The following NUP214 variants were observed in gnomAD, a reference collection of about 807,000 sequenced individuals.
The protein encoded by NUP214 is nucleoporin 214.
NUP214 carries 79 observed loss-of-function variants against 196.2 expected under a neutral mutation model. The observed-to-expected ratio is 0.40, with a 90% CI of 0.34 to 0.49. The LOEUF is 0.49. NUP214 is among the 20% of genes least tolerant of loss of function. The pLI is 0.58. For missense variants in NUP214, 2,468 were observed against 2,539.0 expected (o/e 0.97, Z 0.60); for synonymous variants, 1,020 against 990.5 (o/e 1.03, Z -0.56).
intron 31 of NUP214, among the ~76,000 whole-genome samples, chr9:131,221,494 T>A (rs1393377355): frequency 6.6e-6 from 1 of 152,022 alleles, no homozygotes; most frequent in East Asian, 1.9e-4. Context: ...CCTATTAGAG[T>A]TGGTTGGTAG....
intron 27 of NUP214, among the ~76,000 whole-genome samples, chr9:131,193,624 C>CTTTTCT (rs1833676541): frequency 5.7e-5 from 1 of 17,666 alleles, no homozygotes; most frequent in East Asian, 1.1e-3. Context: ...ATTCTTCTTC[C>CTTTTCT]TTTTCTTTTT....
At chr9:131,233,386 G>A in intron 35 of NUP214, 68 bp from the exon 36 acceptor site, 3 of 1,489,176 alleles carry the variant, frequency 2.0e-6, no homozygotes, top group Non-Finnish European at 2.7e-6. Flanking sequence ...CACAGGCAGA[G>A]CAGCAGAGCC....
At chr9:131,203,674 C>T (rs1363906649) in intron 30 of NUP214, among the ~76,000 whole-genome samples, 2 of 152,102 alleles carry the variant, frequency 1.3e-5, no homozygotes, top group Non-Finnish European at 2.9e-5. Flanking sequence ...CTAAGTCATT[C>T]AAGGGAACCA....
intron 24 of NUP214, among the ~76,000 whole-genome samples, chr9:131,179,211 A>G (rs115455391): frequency 8.2e-4 from 125 of 152,116 alleles, no homozygotes; most frequent in African/African-American, 2.8e-3. Context: ...ATGTCACCCC[A>G]GGCTGGTCTC....
At chr9:131,186,873 T>A (rs1833461614) in intron 24 of NUP214, among the ~76,000 whole-genome samples, 1 of 152,198 alleles carries the variant, frequency 6.6e-6, no homozygotes, top group African/African-American at 2.4e-5. Context: ...ACCTTTGCGG[T>A]AGCAGCGAAT....
intron 27 of NUP214, chr9:131,192,511 G>GT (rs2131033103): frequency 5.4e-6 from 2 of 372,110 alleles, no homozygotes; most frequent in South Asian, 1.4e-4. Flanking sequence ...ACATATTTGT[G>GT]TATCTGTTTT....
In NUP214 at chr9:131,139,393, T is replaced by G; in HGVS notation, c.1118T>G (p.Val373Gly). 6.2e-7 allele frequency: 1 copy of G among 1,606,252 alleles called. No homozygotes were observed. Among genetic ancestry groups the G allele is most frequent in the Non-Finnish European group, 8.5e-7 (1 of 1,177,308 alleles). Reference protein sequence around the residue: ...MGVVVDYTNQVEITISDEKTL... With the variant: ...MGVVVDYTNQGEITISDEKTL... ...GTTGTCGTAGACTATACAAACCAAG[T>G]GGAAATCACCATCAGTAAGTGTAGC... Residue 373 changes from valine to glycine, a missense_variant, in exon 10 of 36, where the codon GTG becomes GGG. Physicochemically the swap from Val to Gly is moderately radical, Grantham distance 109. This residue lies in a region of NUP214 where 1,801 missense variants were observed against 1,779.4 expected (regional missense o/e 1.01). Transcript: ENST00000359428.
intron 17 of NUP214, among the ~76,000 whole-genome samples, chr9:131,155,099 A>G (rs1033054735): frequency 3.3e-5 from 5 of 152,238 alleles, no homozygotes; most frequent in Admixed American, 6.5e-5. Context: ...ACTAGTTTAC[A>G]TTCCCAACAG....
chr9:131,193,629 C>CTGTTTTTTTTT (rs1833677968), intron 27 of NUP214, among the ~76,000 whole-genome samples: 1 of 28,218 alleles, frequency 3.5e-5, no homozygotes, highest in Non-Finnish European at 6.5e-5. Context: ...TCTTCCTTTT[C>CTGTTTTTTTTT]TTTTTTTTTT....
chr9:131,134,585 C>T (rs1387394669), intron 7 of NUP214, among the ~76,000 whole-genome samples: 3 of 152,092 alleles, frequency 2.0e-5, no homozygotes, highest in Admixed American at 1.3e-4. Context: ...TTTCATTTTA[C>T]ACTTTACAGT....
At chr9:131,220,723 A>T (rs560458828) in intron 31 of NUP214, among the ~76,000 whole-genome samples, 1 of 152,302 alleles carries the variant, frequency 6.6e-6, no homozygotes, top group East Asian at 1.9e-4. Flanking sequence ...GGGACTTAGG[A>T]TAGTTAAGTC....
intron 27 of NUP214, among the ~76,000 whole-genome samples, chr9:131,194,627 G>A (rs1452152775): frequency 1.3e-5 from 2 of 152,154 alleles, no homozygotes; most frequent in Non-Finnish European, 2.9e-5. Flanking sequence ...TAAAGAAAAC[G>A]TACAAAAGGA....
chr9:131,137,249 G>A (rs1408395342), intron 9 of NUP214, among the ~76,000 whole-genome samples: 3 of 152,126 alleles, frequency 2.0e-5, no homozygotes, highest in Non-Finnish European at 2.9e-5. Context: ...TAGTAGAGAA[G>A]GGCTTATAAG....
chr9:131,135,915 A>G (rs992895709), intron 8 of NUP214, 25 bp from the exon 9 acceptor site: 2 of 1,605,122 alleles, frequency 1.2e-6, no homozygotes, highest in Admixed American at 1.7e-5. Context: ...TTTGAACGTA[A>G]TGGTCTCTGG....
intron 19 of NUP214, 174 bp downstream of exon 19, chr9:131,163,347 A>G: frequency 1.7e-6 from 1 of 597,632 alleles, no homozygotes; most frequent in East Asian, 2.9e-5. Context: ...AAAAATGAGG[A>G]TGACAATACC....
At chr9:131,231,365 G>A (rs578064449) in intron 34 of NUP214, among the ~76,000 whole-genome samples, 122 of 152,142 alleles carry the variant, frequency 8.0e-4, no homozygotes, top group Admixed American at 8.0e-3. Context: ...CTAATTTTTT[G>A]TGTTTTTAGT....
rs1834955462 is a variant in NUP214, at chr9:131,234,267, T to C, written c.*780T>C. On this transcript the variant is annotated 3_prime_UTR_variant, in exon 36 of 36. Transcript: ENST00000359428. ...CATTGGTAGCCACACCTACCCAGTGTCTACTAACCACAGTGCAGATAGCCC... is the reference window on the plus strand; with the variant it reads ...CATTGGTAGCCACACCTACCCAGTGCCTACTAACCACAGTGCAGATAGCCC... 1 of 232,730 alleles carries C rather than the reference T, an allele frequency of 4.3e-6. No individual in the cohort carries two copies. Among genetic ancestry groups the C allele is most frequent in the African/African-American group, 2.2e-5 (1 of 45,292 alleles). 14.4% of individuals were successfully genotyped at this position (232,730 alleles called of 1,614,324 possible).
At chr9:131,133,803 AGTATC>A (rs1564178119) in intron 7 of NUP214, 1 of 152,228 alleles carries the variant, frequency 6.6e-6, no homozygotes, top group Non-Finnish European at 1.5e-5. Context: ...AAAGCAAGAC[AGTATC>A]TTGATTTTTA....
chr9:131,215,381 G>A lies in NUP214; in HGVS notation c.5749+13G>A, dbSNP rs914092889. 1 of 1,573,348 alleles carries A rather than the reference G, an allele frequency of 6.4e-7. No individual in the cohort carries two copies. The highest frequency in any genetic ancestry group is 1.4e-5 in the African/African-American group (1 of 72,736). ...ACAGCTACCTCAAGTAAGTTGAGAA[G>A]ACTTTTCCCAGTCCCTTGGTCCCCT... On this transcript the variant is annotated intron_variant, in intron 31 of 35. Transcript: ENST00000359428.
Sources: gnomAD v4.1 joint callset for allele counts (sites outside exome capture counted in the v4.1 genomes callset) on GRCh38, gnomAD v4.1.1 for gene constraint, gnomAD v4.1.1 regional missense constraint, MANE v1.5 for transcripts, NCBI Gene and HGNC (gene_info 2026-07-23, HGNC 2026-07-21) for gene names.